The following ADK variants were observed in gnomAD, a reference collection of about 807,000 sequenced individuals.
ADK encodes N6,N6-dimethyladenosine kinase.
A neutral mutation model predicts 44.7 loss-of-function variants in ADK; 24 were observed. The ratio of observed to expected loss-of-function variants is 0.54; its 90% confidence interval spans 0.39 to 0.76. The LOEUF is 0.76. Among genes scored for constraint, ADK ranks in the 30% least tolerant of loss-of-function variants. The pLI is 0.00. For missense variants in ADK, 321 were observed against 425.1 expected (o/e 0.76, Z 2.15); for synonymous variants, 128 against 142.6 (o/e 0.90, Z 0.73).
intron 4 of ADK, among the ~76,000 whole-genome samples, chr10:74,330,439 T>C (rs1841179187): frequency 6.6e-6 from 1 of 152,128 alleles, no homozygotes; most frequent in South Asian, 2.1e-4. Context: ...AAAATTTTTT[T>C]TTAAAGCATG....
At chr10:74,475,262 T>A (rs758303411) in intron 6 of ADK, among the ~76,000 whole-genome samples, 90 of 152,208 alleles carry the variant, frequency 5.9e-4, no homozygotes, top group Admixed American at 1.0e-3. Context: ...CTACTCAAAT[T>A]CGAGATTTAA....
At chr10:74,384,620 A>C (rs979911470) in intron 4 of ADK, among the ~76,000 whole-genome samples, 1 of 152,154 alleles carries the variant, frequency 6.6e-6, no homozygotes, top group African/African-American at 2.4e-5. Context: ...GCGGTGAGTC[A>C]AGATCGCACC....
At chr10:74,200,704 C>T (rs533100660) in intron 1 of ADK, 60 bp from the exon 2 acceptor site, 1 of 1,102,720 alleles carries the variant, frequency 9.1e-7, no homozygotes, top group Non-Finnish European at 1.4e-6. Context: ...ATTTTGTGTA[C>T]CTTTTACATA....
intron 2 of ADK, among the ~76,000 whole-genome samples, chr10:74,215,174 T>G (rs1194407329): frequency 6.6e-6 from 1 of 152,210 alleles, no homozygotes. Flanking sequence ...ACCATTTTGT[T>G]GTCTCTGATT....
intron 6 of ADK, among the ~76,000 whole-genome samples, chr10:74,429,952 G>T (rs1844924974): frequency 6.6e-6 from 1 of 152,050 alleles, no homozygotes; most frequent in South Asian, 2.1e-4. Flanking sequence ...CTTACTCTGG[G>T]CCACATACCA....
At chr10:74,640,855 A>C (rs927746450) in intron 9 of ADK, among the ~76,000 whole-genome samples, 9 of 152,232 alleles carry the variant, frequency 5.9e-5, no homozygotes, top group Non-Finnish European at 1.2e-4. Flanking sequence ...TATTAAGAGA[A>C]TTATTTGATG....
At chr10:74,381,921 T>G (rs1419168643) in intron 4 of ADK, among the ~76,000 whole-genome samples, 1 of 152,154 alleles carries the variant, frequency 6.6e-6, no homozygotes, top group Non-Finnish European at 1.5e-5. Context: ...TTTTATAAAG[T>G]GTATACTAGA....
At chr10:74,289,740 A>G (rs919579947) in intron 3 of ADK, among the ~76,000 whole-genome samples, 2 of 151,776 alleles carry the variant, frequency 1.3e-5, no homozygotes, top group Non-Finnish European at 2.9e-5. Context: ...CTCTCAGTTT[A>G]CTTTCTTAAT....
At chr10:74,328,075 A>G (rs1841080772) in intron 4 of ADK, among the ~76,000 whole-genome samples, 1 of 152,002 alleles carries the variant, frequency 6.6e-6, no homozygotes, top group Non-Finnish European at 1.5e-5. Flanking sequence ...TGCTCAGGCA[A>G]TTTTTGTATT....
At chr10:74,641,933 G>A (rs1853858265) in intron 9 of ADK, among the ~76,000 whole-genome samples, 1 of 152,178 alleles carries the variant, frequency 6.6e-6, no homozygotes, top group Non-Finnish European at 1.5e-5. Context: ...CACTGGGGGT[G>A]CCCTTTCTGA....
At chr10:74,667,902 A>G (rs751320576) in intron 9 of ADK, among the ~76,000 whole-genome samples, 4 of 152,172 alleles carry the variant, frequency 2.6e-5, no homozygotes, top group Non-Finnish European at 5.9e-5. Flanking sequence ...CTGTTCATAA[A>G]TAAATATTTA....
At chr10:74,488,636 G>GTTTCTCCTCTT (rs1224582022) in intron 6 of ADK, among the ~76,000 whole-genome samples, 1 of 72,848 alleles carries the variant, frequency 1.4e-5, no homozygotes, top group Non-Finnish European at 3.1e-5. Context: ...CAGGATTAAA[G>GTTTCTCCTCTT]AAAACTTTTC....
At chr10:74,434,946 T>C (rs1845131473) in intron 6 of ADK, among the ~76,000 whole-genome samples, 1 of 152,230 alleles carries the variant, frequency 6.6e-6, no homozygotes, top group Non-Finnish European at 1.5e-5. Flanking sequence ...ATATATAATC[T>C]GTAAACTAGT....
chr10:74,266,165 C>T (rs778595760), intron 3 of ADK, among the ~76,000 whole-genome samples: 1 of 152,136 alleles, frequency 6.6e-6, no homozygotes, highest in South Asian at 2.1e-4. Context: ...AAGTAGAAGA[C>T]AGTGAGTCAG....
chr10:74,217,565 T>G (rs1844104061), intron 2 of ADK, among the ~76,000 whole-genome samples: 1 of 152,162 alleles, frequency 6.6e-6, no homozygotes, highest in Non-Finnish European at 1.5e-5. Flanking sequence ...GCAGACTGCC[T>G]CCTCAAGTGG....
intron 6 of ADK, among the ~76,000 whole-genome samples, chr10:74,459,607 T>TA (rs1846088882): frequency 6.6e-6 from 1 of 151,488 alleles, no homozygotes; most frequent in Non-Finnish European, 1.5e-5. Flanking sequence ...CACACGCCTG[T>TA]AGTCCCACCT....
intron 7 of ADK, among the ~76,000 whole-genome samples, chr10:74,580,148 C>G (rs1168653188): frequency 6.6e-6 from 1 of 152,124 alleles, no homozygotes; most frequent in Non-Finnish European, 1.5e-5. Flanking sequence ...TTGGCTGTGT[C>G]CCCATCCAAA....
intron 3 of ADK, among the ~76,000 whole-genome samples, chr10:74,271,913 T>C (rs1001722800): frequency 2.6e-5 from 4 of 152,168 alleles, no homozygotes; most frequent in Non-Finnish European, 5.9e-5. Context: ...AGCAAATAAA[T>C]ACTTAGTTTT....
chr10:74,627,936 C>T (rs542199848), intron 9 of ADK, among the ~76,000 whole-genome samples: 1 of 152,286 alleles, frequency 6.6e-6, no homozygotes, highest in Non-Finnish European at 1.5e-5. Flanking sequence ...CACACCTGGC[C>T]TACCACAATG....
Sources: gnomAD v4.1 joint callset for allele counts (sites outside exome capture counted in the v4.1 genomes callset) on GRCh38, gnomAD v4.1.1 for gene constraint, MANE v1.5 for transcripts, NCBI Gene and HGNC (gene_info 2026-07-23, HGNC 2026-07-21) for gene names.